The following TMEM126B variants were observed in gnomAD, a reference collection of about 807,000 sequenced individuals.
TMEM126B encodes complex I assembly factor TMEM126B, mitochondrial.
TMEM126B carries 19 observed loss-of-function variants against 16.5 expected under a neutral mutation model. The ratio of observed to expected loss-of-function variants is 1.15; its 90% CI spans 0.80 to 1.69. The LOEUF is 1.69. TMEM126B is among the 40% of genes most tolerant of loss of function. The pLI is 0.00. For synonymous variants in TMEM126B, 104 were observed against 93.2 expected, an observed-to-expected ratio of 1.12 and a Z score of -0.67; for missense variants, 293 against 278.7, an observed-to-expected ratio of 1.05 and a Z score of -0.37.
chr11:85,631,864 T>C (rs2082306923), intron 2 of TMEM126B, 56 bp downstream of exon 2: 1 of 1,520,574 alleles, frequency 6.6e-7, no homozygotes, highest in African/African-American at 1.5e-5. Flanking sequence ...TCTTTTGTAT[T>C]GCCATTGTTT....
chr11:85,636,021 G>A (rs770395143), intron 4 of TMEM126B, 25 bp from the exon 5 acceptor site: 1 of 1,537,530 alleles, frequency 6.5e-7, no homozygotes, highest in East Asian at 2.3e-5. Flanking sequence ...TCCAGGAGAG[G>A]TGATTAACTC....
chr11:85,631,714 GGTCAGCCCA>G lies in TMEM126B; in HGVS notation c.113_121del (p.Gln38_Ser40del). ...TTTCAAGATGGCAGCATCTATGCAT[GGTCAGCCCA>G]GTCCTTCTCTAGAAGATGCAAAACT... On this transcript the variant is annotated inframe_deletion, in exon 2 of 5. Transcript: ENST00000358867. 6.2e-7 allele frequency: 1 copy of G among 1,613,030 alleles called. No individual in the cohort carries two copies. The highest frequency in any genetic ancestry group is 8.5e-7 in the Non-Finnish European group (1 of 1,179,680).
rs2082357824 is a variant in TMEM126B at position 85,634,218 on chromosome 11, A to G, written c.336A>G (p.Thr112=). 1.2e-5 allele frequency: 20 copies of G among 1,613,682 alleles called. No homozygotes were observed. The highest frequency in any genetic ancestry group is 1.7e-5 in the Non-Finnish European group (20 of 1,179,906). The change falls in exon 3 of 5, where the codon ACA becomes ACG. Residue 112 remains threonine (T), a synonymous_variant. Transcript: ENST00000358867. ...DALKTYASLA[T]LPFLSTVVTD... is the part of the protein sequence containing the mutation. The stretch of plus-strand genomic sequence containing the variant: ...TGAAGACATATGCATCATTGGCTAC[A>G]CTTCCATTTTTGTCTACTGTTGTTA...
At chr11:85,631,378 AT>A (rs2153305250) in intron 1 of TMEM126B, 2 of 1,133,244 alleles carry the variant, frequency 1.8e-6, no homozygotes, top group Admixed American at 7.3e-5. Context: ...CAGTTTGCTC[AT>A]ATGTATAGAA....
At chr11:85,635,907 T>G in intron 4 of TMEM126B, 129 bp downstream of exon 4, 1 of 1,092,236 alleles carries the variant, frequency 9.2e-7, no homozygotes, top group Non-Finnish European at 1.3e-6. Flanking sequence ...GGTAGTTTGG[T>G]ATTTCAGATA....
chr11:85,631,495 A>G (rs2082295463), intron 1 of TMEM126B, among the ~76,000 whole-genome samples, 192 bp from the exon 2 acceptor site: 1 of 152,234 alleles, frequency 6.6e-6, no homozygotes, highest in Admixed American at 6.5e-5. Flanking sequence ...ACAAAAAGCC[A>G]ATGTCTAACA....
chr11:85,633,312 A>G (rs1312332631), intron 2 of TMEM126B, among the ~76,000 whole-genome samples: 2 of 152,210 alleles, frequency 1.3e-5, no homozygotes, highest in Admixed American at 6.5e-5. Context: ...CTTTGGGTAT[A>G]TACCCAGTAA....
chr11:85,631,606 A>C, intron 1 of TMEM126B, 81 bp from the exon 2 acceptor site: 5 of 1,481,328 alleles, frequency 3.4e-6, no homozygotes, highest in Non-Finnish European at 4.6e-6. Flanking sequence ...ATGTTTTCAA[A>C]TCTGAATCTG....
intron 1 of TMEM126B, among the ~76,000 whole-genome samples, chr11:85,629,776 T>C (rs949758651): frequency 7.2e-5 from 11 of 152,222 alleles, no homozygotes; most frequent in Non-Finnish European, 1.6e-4. Context: ...CCCTTAGATG[T>C]TACTATCCCT....
chr11:85,634,306 C>T (rs761483292), intron 3 of TMEM126B, 27 bp downstream of exon 3: 79 of 1,541,394 alleles, frequency 5.1e-5, no homozygotes, highest in South Asian at 8.0e-5. Context: ...TAATGTATAA[C>T]GTAGTTATGT....
chr11:85,631,997 G>C (rs1402117593), intron 2 of TMEM126B, among the ~76,000 whole-genome samples, 189 bp downstream of exon 2: 1 of 152,148 alleles, frequency 6.6e-6, no homozygotes, highest in Admixed American at 6.5e-5. Flanking sequence ...ATGGTGGTTT[G>C]TTGGAATATT....
At chr11:85,635,870 G>GTCTA in intron 4 of TMEM126B, 92 bp downstream of exon 4, 1 of 941,798 alleles carries the variant, frequency 1.1e-6, no homozygotes. Context: ...TTCTTTAGCT[G>GTCTA]TCTATGATAT....
At chr11:85,628,982 C>G (rs912452896) in intron 1 of TMEM126B, 1 of 493,856 alleles carries the variant, frequency 2.0e-6, no homozygotes, top group African/African-American at 2.0e-5. Flanking sequence ...CCCAACTCCC[C>G]TGCCAAACTG....
At chr11:85,634,311 T>C (rs980782046) in intron 3 of TMEM126B, 32 bp downstream of exon 3, 1 of 1,528,454 alleles carries the variant, frequency 6.5e-7, no homozygotes, top group African/African-American at 1.5e-5. Context: ...TATAACGTAG[T>C]TATGTCTAAG....
intron 3 of TMEM126B, 25 bp from the exon 4 acceptor site, chr11:85,635,642 A>G: frequency 6.4e-7 from 1 of 1,567,878 alleles, no homozygotes; most frequent in Non-Finnish European, 8.7e-7. Context: ...TTTAAAGGAA[A>G]ACCAAATTTA....
chr11:85,636,318 A>T lies in TMEM126B; in HGVS notation c.*89A>T. ...GCTGAAAGAGTTAAAAGTAACTGTGAACAAATAATTTGTTCTGTGCCTTTT... is the reference window on the plus strand; with the variant it reads ...GCTGAAAGAGTTAAAAGTAACTGTGTACAAATAATTTGTTCTGTGCCTTTT... On this transcript the variant is annotated 3_prime_UTR_variant, in exon 5 of 5. Transcript: ENST00000358867. The T allele has an allele frequency of 1.0e-6, 1 of 984,378 alleles. No individual in the cohort carries two copies. The highest frequency in any genetic ancestry group is 3.4e-5 in the Admixed American group (1 of 29,006). The allele number at this position is 984,378 out of a possible 1,614,324, so 61.0% of individuals were successfully genotyped here.
At position 85,635,781 on chromosome 11, in the gene TMEM126B, AAGT is replaced by A; in HGVS notation, c.509+4_509+6del. ...AAAAATGGACGCCTGGCAACCAAGT[AAGT>A]TCTTCCTTTTCCTTCTTTTTTCTTT... On this transcript the variant is annotated splice_donor_5th_base_variant and intron_variant, in intron 4 of 4. Coordinates refer to ENST00000358867, the MANE Select transcript of TMEM126B (RefSeq NM_018480.7). 6.5e-7 allele frequency: 1 copy of A among 1,543,666 alleles called. No homozygotes were observed. Among genetic ancestry groups the A allele is most frequent in the Admixed American group, 2.2e-5 (1 of 45,148 alleles).
rs377378732 is a variant in TMEM126B at position 85,631,704 on chromosome 11, A to T, written c.99A>T (p.Ala33=). Residue 33 remains alanine (A), a synonymous_variant, in exon 2 of 5, where the codon GCA becomes GCT. Coordinates refer to ENST00000358867, the MANE Select transcript of TMEM126B (RefSeq NM_018480.7). ...EEAPKVFKMA[A]SMHGQPSPSL... Reference sequence around the variant, plus strand: ...TTTTCCAGGTTTTCAAGATGGCAGCATCTATGCATGGTCAGCCCAGTCCTT... The same window carrying T: ...TTTTCCAGGTTTTCAAGATGGCAGCTTCTATGCATGGTCAGCCCAGTCCTT... The T allele has an allele frequency of 4.3e-6, 7 of 1,611,514 alleles. No homozygotes were observed. The African/African-American group carries it at 9.4e-5, about 22-fold the overall frequency.
chr11:85,631,777 G>GA lies in TMEM126B; in HGVS notation c.179dup (p.Asn60LysfsTer3). 1 of 1,611,256 alleles carries GA rather than the reference G, an allele frequency of 6.2e-7. No homozygotes were observed. Among genetic ancestry groups the GA allele is most frequent in the Middle Eastern group, 1.7e-4 (1 of 6,046 alleles). On this transcript the variant is annotated frameshift_variant, in exon 2 of 5. Coordinates refer to ENST00000358867, the MANE Select transcript of TMEM126B (RefSeq NM_018480.7). LOFTEE classifies it high-confidence loss of function. ...AAGACCAATGGTCATAGAAATCATAGAAAAAAATTTTGACTATCTTAGAAA... is the reference window on the plus strand; with the variant it reads ...AAGACCAATGGTCATAGAAATCATAGAAAAAAAATTTTGACTATCTTAGAAA...
Sources: gnomAD v4.1 joint callset for allele counts (sites outside exome capture counted in the v4.1 genomes callset) on GRCh38, gnomAD v4.1.1 for gene constraint, MANE v1.5 for transcripts, NCBI Gene and HGNC (gene_info 2026-07-23, HGNC 2026-07-21) for gene names.